The following CHD9 variants were observed in gnomAD, a reference collection of about 807,000 sequenced individuals.
CHD9 encodes chromodomain helicase DNA binding protein 9.
Under a neutral mutation model 316.1 loss-of-function variants are expected in CHD9, and 77 were observed. The ratio of observed to expected loss-of-function variants is 0.24; its 90% CI spans 0.20 to 0.29. CHD9 has a LOEUF of 0.29. Ranked by LOEUF, CHD9 falls within the 10% of genes least tolerant of loss-of-function variation. The probability of loss-of-function intolerance (pLI) is 1.00; values close to 1 mark genes in which losing one functional copy is unlikely to be tolerated. For missense variants in CHD9, 2,763 were observed against 3,438.1 expected, an observed-to-expected ratio of 0.80 and a Z score of 4.91; for synonymous variants, 1,129 against 1,158.3, an observed-to-expected ratio of 0.97 and a Z score of 0.51.
At chr16:53,068,439 C>G (rs1265256171) in intron 1 of CHD9, among the ~76,000 whole-genome samples, 1 of 152,174 alleles carries the variant, frequency 6.6e-6, no homozygotes, top group Non-Finnish European at 1.5e-5. Context: ...CTCTGCCTCT[C>G]AGTCACACAG....
At chr16:53,305,933 TAGTG>T (rs1399832055) in intron 31 of CHD9, among the ~76,000 whole-genome samples, 2 of 152,254 alleles carry the variant, frequency 1.3e-5, no homozygotes, top group Middle Eastern at 3.4e-3. Context: ...ATTTTAAAAA[TAGTG>T]AGTAATGAAG....
At position 53,209,779 on chromosome 16, in the gene CHD9, A is replaced by G; in HGVS notation, c.1750A>G (p.Thr584Ala). 6.2e-7 allele frequency: 1 copy of G among 1,600,998 alleles called. No individual in the cohort carries two copies. Among genetic ancestry groups the G allele is most frequent in the Non-Finnish European group, 8.5e-7 (1 of 1,174,126 alleles). The change falls in exon 3 of 39, where the codon ACA (threonine) becomes GCA (alanine). Residue 584 changes from threonine (T) to alanine (A), a missense_variant. By Grantham distance (58) the Thr-to-Ala change is moderately conservative (BLOSUM62 0). Transcript: ENST00000447540. ...PKDKDSKKTK[T>A]CSKLKEKTKI... The stretch of plus-strand genomic sequence containing the variant: ...GGACAAAGACAGCAAAAAAACAAAA[A>G]CATGTTCTAAGTTAAAAGAGAAGAC...
chr16:53,064,984 AG>A (rs1162280506), intron 1 of CHD9, among the ~76,000 whole-genome samples: 9 of 151,762 alleles, frequency 5.9e-5, no homozygotes, highest in Non-Finnish European at 1.0e-4. Context: ...AAAGAAAGAG[AG>A]AGAGAGAGAG....
chr16:53,230,845 T>G (rs905925877), intron 8 of CHD9, among the ~76,000 whole-genome samples: 1 of 152,162 alleles, frequency 6.6e-6, no homozygotes, highest in Non-Finnish European at 1.5e-5. Flanking sequence ...ATGTAGAGGG[T>G]AAAGAAAAAG....
Position 53,304,434 on chromosome 16 carries a change from G to T in CHD9, c.6428G>T (p.Cys2143Phe). The change falls in exon 31 of 39, where the codon TGT (cysteine) becomes TTT (phenylalanine). Residue 2143 changes from cysteine (C) to phenylalanine (F), a missense_variant. Physicochemically the swap from Cys to Phe is radical, Grantham distance 205. Coordinates refer to ENST00000447540, the MANE Select transcript of CHD9 (RefSeq NM_001308319.2). ...GACTCAGATTCTGAGAGATCATCTTGTTCTTCCAGATCATCTTCTTCCTCA... is the reference window on the plus strand; with the variant it reads ...GACTCAGATTCTGAGAGATCATCTTTTTCTTCCAGATCATCTTCTTCCTCA... Reference protein sequence around the residue: ...DSDSDSERSSCSSRSSSSSSS... With the variant: ...DSDSDSERSSFSSRSSSSSSS... 5.6e-6 allele frequency: 9 copies of T among 1,594,116 alleles called. No homozygotes were observed. The highest frequency in any genetic ancestry group is 1.1e-5 in the South Asian group (1 of 87,562).
At chr16:53,238,701 A>T in intron 12 of CHD9, 115 bp downstream of exon 12, 1 of 1,042,986 alleles carries the variant, frequency 9.6e-7, no homozygotes, top group Admixed American at 2.3e-5. Context: ...CCTAGATCTT[A>T]GTTTAAGTTC....
chr16:53,091,442 G>A (rs1464476343), intron 1 of CHD9, among the ~76,000 whole-genome samples: 8 of 152,232 alleles, frequency 5.3e-5, no homozygotes, highest in Admixed American at 3.9e-4. Flanking sequence ...CTGGCAGGTG[G>A]GAAGTGCTTA....
At chr16:53,254,131 C>T (rs1277645764) in intron 17 of CHD9, among the ~76,000 whole-genome samples, 3 of 151,814 alleles carry the variant, frequency 2.0e-5, no homozygotes, top group Non-Finnish European at 4.4e-5. Context: ...GAGCCAAGAT[C>T]GCACGACTGC....
chr16:53,132,704 A>G (rs1199183440), intron 1 of CHD9, among the ~76,000 whole-genome samples: 2 of 151,122 alleles, frequency 1.3e-5, no homozygotes, highest in East Asian at 2.0e-4. Flanking sequence ...TCGATATTTG[A>G]TAAGTATTAA....
chr16:53,324,282 T>G lies in CHD9; in HGVS notation c.8081T>G (p.Met2694Arg), dbSNP rs1328623421. 3 of 1,614,012 alleles carry G rather than the reference T, an allele frequency of 1.9e-6. No individual in the cohort carries two copies. The South Asian group carries it at 3.3e-5, about 18-fold the overall frequency. ...CAAGTAACTGCTGGGTTGATGGGAA[T>G]GCCTACCGGCCTTCCTTCTGGAGGA... ...SLQVTAGLMG[M>R]PTGLPSGGEA... is the part of the protein sequence containing the mutation. Residue 2694 changes from methionine (M) to arginine (R), a missense_variant, in exon 39 of 39, where the codon ATG becomes AGG. By Grantham distance (91) the Met-to-Arg change is moderately conservative. Coordinates refer to ENST00000447540, the MANE Select transcript of CHD9 (RefSeq NM_001308319.2).
chr16:53,326,151 T>C lies in CHD9; in HGVS notation c.*1256T>C, dbSNP rs1295804324. ...TTTACCATGTAAAATTTGTCTGATA[T>C]TTGATTTGTGATACAATTTCTCCTG... is the stretch of plus-strand genomic sequence containing the variant. On this transcript the variant is annotated 3_prime_UTR_variant, in exon 39 of 39. Coordinates refer to ENST00000447540, the MANE Select transcript of CHD9 (RefSeq NM_001308319.2). 1.3e-5 allele frequency: 2 copies of C among 152,528 alleles called. No individual in the cohort carries two copies. Among genetic ancestry groups the C allele is most frequent in the African/African-American group, 2.4e-5 (1 of 41,452 alleles). The allele number at this position is 152,528 out of a possible 1,614,324, so 9.4% of individuals were successfully genotyped here. A position where few individuals can be genotyped will look rare whatever the true frequency, so the allele number is the denominator to read the frequency against.
chr16:53,282,267 A>T (rs2053484195), intron 24 of CHD9, among the ~76,000 whole-genome samples: 1 of 152,180 alleles, frequency 6.6e-6, no homozygotes, highest in South Asian at 2.1e-4. Context: ...AATATCTTCA[A>T]ACTACCATAT....
At chr16:53,157,697 A>G (rs2041618448) in intron 2 of CHD9, among the ~76,000 whole-genome samples, 156 bp downstream of exon 2, 1 of 152,210 alleles carries the variant, frequency 6.6e-6, no homozygotes, top group South Asian at 2.1e-4. Flanking sequence ...ATTGTTTTAC[A>G]AGTCTTGTAT....
chr16:53,135,547 G>GA (rs2039651386), intron 1 of CHD9, among the ~76,000 whole-genome samples: 1 of 152,134 alleles, frequency 6.6e-6, no homozygotes, highest in African/African-American at 2.4e-5. Context: ...TGTCAAAAAT[G>GA]ATTTCCTGGT....
chr16:53,322,024 A>T (rs1461966230), intron 38 of CHD9, among the ~76,000 whole-genome samples: 3 of 136,902 alleles, frequency 2.2e-5, no homozygotes, highest in South Asian at 2.3e-4. Context: ...TTTAGACAGG[A>T]TCCCTCTCTG....
intron 29 of CHD9, among the ~76,000 whole-genome samples, chr16:53,296,434 ATTTTTTTTTTT>A (rs35618799): frequency 9.8e-6 from 1 of 101,764 alleles, no homozygotes; most frequent in East Asian, 2.9e-4. Context: ...TTAAAAGTAA[ATTTTTTTTTTT>A]TTTTTTTTTT....
chr16:53,066,888 A>C (rs2152507196), intron 1 of CHD9, among the ~76,000 whole-genome samples: 1 of 152,318 alleles, frequency 6.6e-6, no homozygotes, highest in South Asian at 2.1e-4. Context: ...TACAAAAAAA[A>C]ATTGAGACAA....
chr16:53,312,898 A>G (rs1325179044), intron 34 of CHD9, among the ~76,000 whole-genome samples: 1 of 152,200 alleles, frequency 6.6e-6, no homozygotes, highest in East Asian at 1.9e-4. Context: ...CTGGAAATGC[A>G]TTTTTCATTA....
At chr16:53,167,014 C>G (rs2042313175) in intron 2 of CHD9, among the ~76,000 whole-genome samples, 1 of 150,004 alleles carries the variant, frequency 6.7e-6, no homozygotes, top group Non-Finnish European at 1.5e-5. Flanking sequence ...TGTCACATAA[C>G]TAGTTAGCAT....
Sources: allele counts gnomAD v4.1 joint callset (sites outside exome capture counted in the v4.1 genomes callset), GRCh38; gene constraint gnomAD v4.1.1; transcripts MANE v1.5; gene names NCBI Gene and HGNC (gene_info 2026-07-23, HGNC 2026-07-21).